The following RBFOX1 variants were observed in gnomAD, a reference collection of about 807,000 sequenced individuals.
The protein encoded by RBFOX1 is RNA binding protein fox-1 homolog 1.
In RBFOX1, 8 loss-of-function variants were observed where a neutral mutation model predicts 57.7. The observed-to-expected ratio is 0.14, with a 90% CI of 0.08 to 0.25. The LOEUF (loss-of-function observed/expected upper bound fraction) is 0.25. Ranked by LOEUF, RBFOX1 falls within the 10% of genes least tolerant of loss-of-function variation. The probability of loss-of-function intolerance (pLI) is 1.00; values close to 1 mark genes in which losing one functional copy is unlikely to be tolerated. For synonymous variants in RBFOX1, 326 were observed against 222.4 expected, an observed-to-expected ratio of 1.47 and a Z score of -4.15; for missense variants, 611 against 548.5, an observed-to-expected ratio of 1.11 and a Z score of -1.14.
At chr16:6,182,664 T>C in intron 1 of RBFOX1, among the ~76,000 whole-genome samples, 1 of 152,320 alleles carries the variant, frequency 6.6e-6, no homozygotes, top group African/African-American at 2.4e-5. Flanking sequence ...AAATATGTTT[T>C]AAAATATATT....
chr16:7,535,496 G>T (rs1336322820), intron 5 of RBFOX1, among the ~76,000 whole-genome samples: 1 of 152,222 alleles, frequency 6.6e-6, no homozygotes, highest in Non-Finnish European at 1.5e-5. Flanking sequence ...GTGTCAGGAA[G>T]GAAGCTAGAT....
At chr16:6,151,006 T>G (rs1173798172) in intron 1 of RBFOX1, among the ~76,000 whole-genome samples, 1 of 152,190 alleles carries the variant, frequency 6.6e-6, no homozygotes, top group Admixed American at 6.5e-5. Flanking sequence ...GATGGGTCCT[T>G]CTTCCTTACA....
At chr16:6,752,635 C>A (rs955530922) in intron 3 of RBFOX1, among the ~76,000 whole-genome samples, 1 of 152,166 alleles carries the variant, frequency 6.6e-6, no homozygotes, top group Non-Finnish European at 1.5e-5. Flanking sequence ...AATGTTCTTC[C>A]ATTCCCCTGC....
chr16:6,441,156 G>A (rs1038886860), intron 2 of RBFOX1, among the ~76,000 whole-genome samples: 8 of 152,152 alleles, frequency 5.3e-5, no homozygotes, highest in Non-Finnish European at 8.8e-5. Context: ...GCCCTGGGGG[G>A]TGGTGAGTGG....
intron 3 of RBFOX1, among the ~76,000 whole-genome samples, chr16:6,658,845 C>G (rs370995701): frequency 6.6e-6 from 1 of 151,960 alleles, no homozygotes. Flanking sequence ...AGAGGGTGTC[C>G]TAGGGAGATC....
In RBFOX1 at chr16:7,187,364, T is replaced by C. The variant is rs188443005; in HGVS notation, c.27+135266T>C. ...TCACTTAAAAAATTGTGTGAAGTCTTACAAAGAAGTATATACATAATATGA... is the reference window on the plus strand; with the variant it reads ...TCACTTAAAAAATTGTGTGAAGTCTCACAAAGAAGTATATACATAATATGA... On this transcript the variant is annotated intron_variant, in intron 4 of 15. Transcript: ENST00000550418. Among the ~76,000 whole-genome samples, 320 of 152,078 alleles carry C rather than the reference T, an allele frequency of 2.1e-3. 3 individuals are homozygous for C. The highest frequency in any genetic ancestry group is 7.1e-3 in the African/African-American group (296 of 41,500).
chr16:7,136,940 C>T (rs1212242421), intron 4 of RBFOX1, among the ~76,000 whole-genome samples: 1 of 152,206 alleles, frequency 6.6e-6, no homozygotes, highest in African/African-American at 2.4e-5. Flanking sequence ...TTTCATTCCT[C>T]GTCATGGCCC....
At position 6,408,436 on chromosome 16, in the gene RBFOX1, T is replaced by G. The variant is rs1161205225; in HGVS notation, c.-64+91379T>G. 9.2e-5 allele frequency among the ~76,000 whole-genome samples: 14 copies of G among 152,298 alleles called. No homozygotes were observed. In the East Asian group the frequency reaches 2.7e-3, roughly 29 times the overall value. On this transcript the variant is annotated intron_variant, in intron 2 of 15. Coordinates refer to ENST00000550418, the MANE Select transcript of RBFOX1 (RefSeq NM_018723.4). ...GTTTTTTAATAGACTGAAATTTTCA[T>G]CAGGGCGAGTTCTGGATCTTTATGC...
intron 4 of RBFOX1, among the ~76,000 whole-genome samples, chr16:7,359,157 A>G (rs1278790814): frequency 6.6e-6 from 1 of 152,142 alleles, no homozygotes; most frequent in Non-Finnish European, 1.5e-5. Flanking sequence ...ATCCGTGCAA[A>G]TGCTGTGTGA....
Position 5,306,875 on chromosome 16 carries a change from G to T in RBFOX1, c.219+66770G>T, listed in dbSNP as rs143843714. Among the ~76,000 whole-genome samples, 235 of 152,258 alleles carry T rather than the reference G, an allele frequency of 1.5e-3. 2 individuals carry two copies. The highest frequency in any genetic ancestry group is 5.3e-3 in the African/African-American group (221 of 41,534). ...TCCTCCATGTTCTCTGCTATCATCA[G>T]GATTTTCAAGGATAATTTGGTCTAA... On this transcript the variant is annotated intron_variant, in intron 1 of 2. Coordinates refer to the RBFOX1 transcript ENST00000585867.
intron 1 of RBFOX1, among the ~76,000 whole-genome samples, chr16:6,087,752 A>T (rs531818386): frequency 6.1e-4 from 92 of 151,582 alleles, no homozygotes; most frequent in African/African-American, 2.2e-3. Flanking sequence ...TCCTGGGTTC[A>T]AGCAATTCTC....
At chr16:6,139,448 C>G (rs2096695923) in intron 1 of RBFOX1, among the ~76,000 whole-genome samples, 1 of 152,158 alleles carries the variant, frequency 6.6e-6, no homozygotes, top group African/African-American at 2.4e-5. Flanking sequence ...AGAGAAATCT[C>G]TTACAACCTG....
At chr16:7,416,285 G>A (rs2098477033) in intron 4 of RBFOX1, among the ~76,000 whole-genome samples, 1 of 152,172 alleles carries the variant, frequency 6.6e-6, no homozygotes, top group Non-Finnish European at 1.5e-5. Context: ...ACTACTCTGT[G>A]CCCGGAATCC....
chr16:6,475,629 C>G (rs2095260553), intron 2 of RBFOX1, among the ~76,000 whole-genome samples: 2 of 152,182 alleles, frequency 1.3e-5, no homozygotes, highest in Non-Finnish European at 1.5e-5. Context: ...CTTCATTAAG[C>G]TCACCTTTCT....
At chr16:6,612,227 G>C (rs527800956) in intron 2 of RBFOX1, among the ~76,000 whole-genome samples, 1 of 152,184 alleles carries the variant, frequency 6.6e-6, no homozygotes, top group South Asian at 2.1e-4. Context: ...GAGAGTCCTA[G>C]TATACTCTTG....
At chr16:6,122,802 ATGTG>A (rs4038155) in intron 1 of RBFOX1, among the ~76,000 whole-genome samples, 4,754 of 147,780 alleles carry the variant, frequency 0.032, 112 homozygotes, top group Non-Finnish European at 0.048. Flanking sequence ...ATGTGTGTGT[ATGTG>A]TGTGTGTGTG....
chr16:5,792,205 G>C (rs919296139), intron 3 of RBFOX1, among the ~76,000 whole-genome samples: 6 of 152,216 alleles, frequency 3.9e-5, no homozygotes, highest in African/African-American at 1.4e-4. Context: ...ATGTGTGTAT[G>C]CTGCTGGCAC....
intron 3 of RBFOX1, among the ~76,000 whole-genome samples, chr16:6,805,183 C>T (rs1603627003): frequency 6.6e-6 from 1 of 151,896 alleles, no homozygotes; most frequent in East Asian, 1.9e-4. Context: ...AAATGTGGTA[C>T]ATCTACACCA....
chr16:6,224,161 C>A (rs2097398594), intron 1 of RBFOX1, among the ~76,000 whole-genome samples: 1 of 151,106 alleles, frequency 6.6e-6, no homozygotes, highest in African/African-American at 2.4e-5. Context: ...GTTCTTTTGG[C>A]TTAGGATTGA....
Sources: gnomAD v4.1 joint callset for allele counts (sites outside exome capture counted in the v4.1 genomes callset) on GRCh38, gnomAD v4.1.1 for gene constraint, MANE v1.5 for transcripts, NCBI Gene and HGNC (gene_info 2026-07-23, HGNC 2026-07-21) for gene names.